The following FGF13 variants were observed in gnomAD, a reference collection of about 807,000 sequenced individuals.
FGF13 encodes fibroblast growth factor homologous factor 2.
In FGF13, 2 loss-of-function variants were observed where a neutral mutation model predicts 19.5. The observed-to-expected ratio is 0.10, with a 90% confidence interval of 0.04 to 0.32. FGF13 has a LOEUF of 0.32. Ranked by LOEUF, FGF13 falls within the 10% of genes least tolerant of loss-of-function variation. FGF13 has a pLI of 1.00. For missense variants in FGF13, 113 were observed against 192.7 expected, an observed-to-expected ratio of 0.59 and a Z score of 2.45; for synonymous variants, 72 against 76.9, an observed-to-expected ratio of 0.94 and a Z score of 0.33.
intron 2 of FGF13, among the ~76,000 whole-genome samples, chrX:138,858,131 C>G (rs1362705145): frequency 8.9e-6 from 1 of 111,844 alleles, no homozygotes; most frequent in Non-Finnish European, 1.9e-5. Context: ...GCAGTATACA[C>G]GGAGACAGAC....
At chrX:139,146,723 T>C (rs1436837798) in intron 1 of FGF13, among the ~76,000 whole-genome samples, 2 of 111,798 alleles carry the variant, frequency 1.8e-5, no homozygotes, top group African/African-American at 6.5e-5. Flanking sequence ...CCAACCCAAA[T>C]GTCCACCAAT....
At chrX:138,841,517 A>AT (rs906017901) in intron 3 of FGF13, among the ~76,000 whole-genome samples, 18 of 110,213 alleles carry the variant, frequency 1.6e-4, no homozygotes, top group South Asian at 3.8e-4. Flanking sequence ...CTTTTTAAAA[A>AT]TTTTTTTTAT....
chrX:139,194,124 T>G, intron 1 of FGF13, among the ~76,000 whole-genome samples: 1 of 111,634 alleles, frequency 9.0e-6, no homozygotes, highest in East Asian at 2.8e-4. Flanking sequence ...AGTCCACACC[T>G]AGTATACACA....
chrX:139,013,479 T>TTATATATATA (rs202184653), intron 1 of FGF13, among the ~76,000 whole-genome samples: 107 of 71,010 alleles, frequency 1.5e-3, no homozygotes, highest in African/African-American at 2.5e-3. Flanking sequence ...AAAGAAAATT[T>TTATATATATA]TATATATATA....
In FGF13 at chrX:138,734,489, A is replaced by G. The variant is rs140701319; in HGVS notation, c.28+4753T>C. On this transcript the variant is annotated intron_variant, in intron 1 of 4. Coordinates refer to the FGF13 transcript ENST00000305414. ...TAGAGGGGAAAATGAGCACAAAGGT[A>G]AAAACAATGTAAGAAAGTTTTGGAT... Among the ~76,000 whole-genome samples, 923 of 111,709 alleles carry G rather than the reference A, an allele frequency of 8.3e-3. 10 individuals carry two copies. Among genetic ancestry groups the G allele is most frequent in the African/African-American group, 0.029 (891 of 30,812 alleles).
rs2089034239 is a variant in FGF13, at chrX:138,623,875, T to C, written c.*8975A>G. 5.4e-5 allele frequency: 6 copies of C among 111,876 alleles called. No homozygotes were observed. In the Admixed American group the frequency reaches 5.7e-4, roughly 11 times the overall value. 9.2% of individuals were successfully genotyped at this position (111,876 alleles called of 1,213,427 possible). A position where few individuals can be genotyped will look rare whatever the true frequency, so the allele number is the denominator to read the frequency against. On this transcript the variant is annotated 3_prime_UTR_variant, in exon 5 of 5. Transcript: ENST00000315930. The stretch of plus-strand genomic sequence containing the variant: ...AAGGAAAATGTACTTAGGAATAAGT[T>C]TAACCAAGGAGGTGAAAAATCTGTA...
At chrX:138,915,609 A>C (rs7886598) in intron 1 of FGF13, among the ~76,000 whole-genome samples, 3,863 of 111,743 alleles carry the variant, frequency 0.035, 167 homozygotes, top group African/African-American at 0.12. Flanking sequence ...TGTCTTATCA[A>C]CATCTGTTGT....
intron 1 of FGF13, among the ~76,000 whole-genome samples, chrX:138,957,691 A>C (rs1314300263): frequency 9.0e-6 from 1 of 111,407 alleles, no homozygotes; most frequent in South Asian, 3.8e-4. Flanking sequence ...CTTTTATTTC[A>C]TTGAGCAGGG....
At chrX:138,898,405 C>T (rs1214010193) in intron 1 of FGF13, among the ~76,000 whole-genome samples, 1 of 111,958 alleles carries the variant, frequency 8.9e-6, no homozygotes, top group African/African-American at 3.3e-5. Flanking sequence ...TAAGTAGACG[C>T]TTGGTATATG....
At chrX:138,888,230 G>A (rs2091460467) in intron 1 of FGF13, among the ~76,000 whole-genome samples, 1 of 111,740 alleles carries the variant, frequency 8.9e-6, no homozygotes, top group African/African-American at 3.3e-5. Flanking sequence ...CAATGCTCTT[G>A]GGAATATCAC....
intron 1 of FGF13, among the ~76,000 whole-genome samples, chrX:138,867,817 C>A (rs977434031): frequency 9.8e-6 from 1 of 102,467 alleles, no homozygotes; most frequent in Non-Finnish European, 2.0e-5. Flanking sequence ...ATCTATCTAT[C>A]TATCTATCTA....
chrX:139,073,418 A>G (rs1218952297), intron 1 of FGF13, among the ~76,000 whole-genome samples: 4 of 111,635 alleles, frequency 3.6e-5, no homozygotes, highest in Admixed American at 9.6e-5. Flanking sequence ...AAAGGATAAA[A>G]TGAGGTTAAA....
chrX:138,643,869 T>G (rs1205883613), intron 3 of FGF13, among the ~76,000 whole-genome samples: 5 of 111,677 alleles, frequency 4.5e-5, no homozygotes, highest in African/African-American at 1.6e-4. Flanking sequence ...TCAGATATGA[T>G]TTCTAAAAAC....
intron 1 of FGF13, among the ~76,000 whole-genome samples, chrX:139,182,921 T>C (rs2084251504): frequency 9.0e-6 from 1 of 111,721 alleles, no homozygotes. Context: ...ATTCTCACTG[T>C]AGCGTTTCAC....
intron 1 of FGF13, among the ~76,000 whole-genome samples, chrX:138,910,819 T>G (rs2091583736): frequency 8.9e-6 from 1 of 112,114 alleles, no homozygotes; most frequent in African/African-American, 3.2e-5. Flanking sequence ...TAGGAAAACA[T>G]TAATAGCAAG....
At chrX:138,671,362 A>C (rs910481175) in intron 3 of FGF13, among the ~76,000 whole-genome samples, 2 of 111,599 alleles carry the variant, frequency 1.8e-5, no homozygotes, top group Non-Finnish European at 3.8e-5. Flanking sequence ...AAAATTATGA[A>C]TCTTATAAAT....
chrX:138,934,269 T>C (rs1374361169), intron 1 of FGF13, among the ~76,000 whole-genome samples: 2 of 111,494 alleles, frequency 1.8e-5, no homozygotes, highest in African/African-American at 3.3e-5. Context: ...AAAGTGGTCC[T>C]AGCAAAATGC....
intron 3 of FGF13, among the ~76,000 whole-genome samples, chrX:138,653,438 A>G (rs1265674610): frequency 2.7e-5 from 3 of 111,916 alleles, no homozygotes; most frequent in Non-Finnish European, 5.6e-5. Flanking sequence ...TTAATTATTA[A>G]AATTAAAAAG....
intron 3 of FGF13, among the ~76,000 whole-genome samples, chrX:138,701,349 T>C (rs2089944158): frequency 8.9e-6 from 1 of 112,517 alleles, no homozygotes; most frequent in African/African-American, 3.2e-5. Context: ...TGAGGCAGTC[T>C]GTTGATCTAA....
Sources: gnomAD v4.1 joint callset for allele counts (sites outside exome capture counted in the v4.1 genomes callset) on GRCh38, gnomAD v4.1.1 for gene constraint, MANE v1.5 for transcripts, NCBI Gene and HGNC (gene_info 2026-07-23, HGNC 2026-07-21) for gene names.